Variants in RPS6KC1 observed in about 807,000 individuals in gnomAD.
RPS6KC1 encodes the protein inactive ribosomal protein S6 kinase delta-1.
Under a neutral mutation model 103.8 loss-of-function variants are expected in RPS6KC1, and 54 were observed. The ratio of observed to expected loss-of-function variants is 0.52; its 90% CI spans 0.42 to 0.65. The LOEUF is 0.65. Ranked by LOEUF, RPS6KC1 falls within the 30% of genes least tolerant of loss-of-function variation. RPS6KC1 has a pLI of 0.00. For missense variants in RPS6KC1, 1,151 were observed against 1,253.8 expected (o/e 0.92, Z 1.24); for synonymous variants, 439 against 438.7 (o/e 1.00, Z -0.01).
In RPS6KC1 at chr1:213,232,246, C is replaced by T; in HGVS notation, c.1216C>T (p.His406Tyr). The change falls in exon 10 of 15, where the codon CAT becomes TAT. Residue 406 changes from histidine (H) to tyrosine (Y), a missense_variant. This residue lies in a region of RPS6KC1 where 959 missense variants were observed against 1,006.3 expected (regional missense o/e 0.95). Transcript: ENST00000366960. The stretch of plus-strand genomic sequence containing the variant: ...GGAGTCAGTATTTCTTGTGCTGCAG[C>T]ATGCGGAAGGTTGGTTTGTAGTTTG... Reference protein sequence around the residue: ...SEESVFLVLQHAEGGKLWSYI... With the variant: ...SEESVFLVLQYAEGGKLWSYI... 1 of 1,613,902 alleles carries T rather than the reference C, an allele frequency of 6.2e-7. No homozygotes were observed.
the RPS6KC1 span, among the ~76,000 whole-genome samples, chr1:213,844,370 T>C: frequency 2.0e-5 from 3 of 152,238 alleles, no homozygotes; most frequent in Admixed American, 2.0e-4. Context: ...TGATTCTTAC[T>C]GATTCAAGCC....
chr1:213,386,431 G>A, the RPS6KC1 span, among the ~76,000 whole-genome samples: 1 of 152,200 alleles, frequency 6.6e-6, no homozygotes, highest in South Asian at 2.1e-4. Flanking sequence ...TCCCTCTCAG[G>A]GCTGTGATGA....
intron 5 of RPS6KC1, among the ~76,000 whole-genome samples, chr1:213,120,361 G>C (rs2084241870): frequency 6.6e-6 from 1 of 152,180 alleles, no homozygotes; most frequent in Non-Finnish European, 1.5e-5. Context: ...AATACAGATA[G>C]ATCAAAGTGT....
the RPS6KC1 span, among the ~76,000 whole-genome samples, chr1:213,734,224 G>T: frequency 6.6e-5 from 10 of 152,184 alleles, no homozygotes; most frequent in African/African-American, 2.2e-4. Context: ...ATGGCTCTGG[G>T]TCTATGGCTC....
At chr1:213,846,487 C>G in the RPS6KC1 span, among the ~76,000 whole-genome samples, 4 of 152,032 alleles carry the variant, frequency 2.6e-5, no homozygotes, top group Non-Finnish European at 5.9e-5. Context: ...AATGCCTTGA[C>G]GATAAAAATA....
the RPS6KC1 span, among the ~76,000 whole-genome samples, chr1:213,838,407 C>G: frequency 6.6e-6 from 1 of 152,148 alleles, no homozygotes; most frequent in African/African-American, 2.4e-5. Flanking sequence ...ACAGATATGG[C>G]TGGCATGGCC....
At chr1:213,303,265 C>G in the RPS6KC1 span, among the ~76,000 whole-genome samples, 1 of 152,142 alleles carries the variant, frequency 6.6e-6, no homozygotes, top group Non-Finnish European at 1.5e-5. Context: ...GATGTCCTTG[C>G]TTTGTGCCTG....
chr1:213,545,406 AT>A, the RPS6KC1 span, among the ~76,000 whole-genome samples: 1 of 81,828 alleles, frequency 1.2e-5, no homozygotes, highest in Non-Finnish European at 2.8e-5. Flanking sequence ...AAATAAATAA[AT>A]AAATAAATAA....
chr1:213,101,215 T>G (rs1395977864), intron 3 of RPS6KC1, among the ~76,000 whole-genome samples: 10 of 152,194 alleles, frequency 6.6e-5, no homozygotes, highest in Admixed American at 6.5e-4. Context: ...TGTTGGCTGC[T>G]TGTATGTCTT....
chr1:213,635,439 T>TCATC, the RPS6KC1 span, among the ~76,000 whole-genome samples: 7 of 149,826 alleles, frequency 4.7e-5, no homozygotes, highest in Non-Finnish European at 9.0e-5. Flanking sequence ...CAAGTTGGCT[T>TCATC]CCTGGGATGC....
chr1:213,420,098 T>G, the RPS6KC1 span, among the ~76,000 whole-genome samples: 386 of 152,348 alleles, frequency 2.5e-3, 1 homozygote, highest in Non-Finnish European at 4.1e-3. Context: ...ATCAGTATTT[T>G]CCTGGAGTTC....
the RPS6KC1 span, among the ~76,000 whole-genome samples, chr1:213,557,236 C>G: frequency 2.6e-5 from 4 of 152,200 alleles, no homozygotes; most frequent in Non-Finnish European, 4.4e-5. Context: ...TACCTCTCCA[C>G]CCCCACTTTC....
the RPS6KC1 span, among the ~76,000 whole-genome samples, chr1:213,614,398 A>T: frequency 6.6e-6 from 1 of 152,090 alleles, no homozygotes. Flanking sequence ...TTAATAGCCC[A>T]CTCCTAATTC....
intron 6 of RPS6KC1, among the ~76,000 whole-genome samples, chr1:213,151,521 G>A (rs2088905980): frequency 9.0e-6 from 1 of 110,676 alleles, no homozygotes; most frequent in Non-Finnish European, 1.9e-5. Flanking sequence ...CGGGCAGAGG[G>A]GCTCCTCGCT....
At chr1:213,631,142 T>C in the RPS6KC1 span, among the ~76,000 whole-genome samples, 1 of 152,160 alleles carries the variant, frequency 6.6e-6, no homozygotes, top group African/African-American at 2.4e-5. Flanking sequence ...GGGAATTCCC[T>C]GACCTCTTGC....
chr1:213,605,202 A>G, the RPS6KC1 span, among the ~76,000 whole-genome samples: 1 of 151,966 alleles, frequency 6.6e-6, no homozygotes, highest in Non-Finnish European at 1.5e-5. Context: ...TGAACAATAT[A>G]CTCGGTATTT....
At chr1:213,740,605 A>T in the RPS6KC1 span, among the ~76,000 whole-genome samples, 1 of 151,696 alleles carries the variant, frequency 6.6e-6, no homozygotes, top group Non-Finnish European at 1.5e-5. Context: ...ACAGCCTCAT[A>T]TATATACATA....
the RPS6KC1 span, among the ~76,000 whole-genome samples, chr1:213,695,474 T>G: frequency 6.6e-6 from 1 of 151,888 alleles, no homozygotes; most frequent in Non-Finnish European, 1.5e-5. Flanking sequence ...AGAAGTAGAG[T>G]CAGGTGGGCT....
At chr1:213,717,788 G>A in the RPS6KC1 span, among the ~76,000 whole-genome samples, 1 of 152,208 alleles carries the variant, frequency 6.6e-6, no homozygotes, top group Non-Finnish European at 1.5e-5. Context: ...ATATTTTAGA[G>A]AGAGATGTTT....
Sources: gnomAD v4.1 joint callset for allele counts (sites outside exome capture counted in the v4.1 genomes callset) on GRCh38, gnomAD v4.1.1 for gene constraint, gnomAD v4.1.1 regional missense constraint, MANE v1.5 for transcripts, NCBI Gene and HGNC (gene_info 2026-07-23, HGNC 2026-07-21) for gene names.